The following COL6A2 variants were observed in gnomAD, a reference collection of about 807,000 sequenced individuals.
The protein encoded by COL6A2 is collagen type VI alpha 2 chain.
Under a neutral mutation model 124.9 loss-of-function variants are expected in COL6A2, and 90 were observed. The ratio of observed to expected loss-of-function variants is 0.72; its 90% CI spans 0.61 to 0.86. The LOEUF is 0.86. COL6A2 is among the 40% of genes least tolerant of loss of function. The pLI, the probability that COL6A2 is intolerant of heterozygous loss-of-function variation, is 0.00. For synonymous variants in COL6A2, 793 were observed against 618.2 expected, an observed-to-expected ratio of 1.28 and a Z score of -4.19; for missense variants, 1,607 against 1,502.5, an observed-to-expected ratio of 1.07 and a Z score of -1.15.
chr21:46,116,716 G>A lies in COL6A2; in HGVS notation c.954+39G>A, dbSNP rs746898046. 2 of 1,612,904 alleles carry A rather than the reference G, an allele frequency of 1.2e-6. No individual in the cohort carries two copies. Among genetic ancestry groups the A allele is most frequent in the African/African-American group, 2.7e-5 (2 of 74,922 alleles). On this transcript the variant is annotated intron_variant, in intron 9 of 27. Coordinates refer to ENST00000300527, the MANE Select transcript of COL6A2 (RefSeq NM_001849.4). The surrounding 1 kb of genome is among the most constrained non-coding windows in gnomAD (Gnocchi z 4.6). ...GTAGGCAGAGCCCCTCCTTCCTGCT[G>A]CTCAGGGCAGAAGGACCGGGGCTAA...
Position 46,116,577 on chromosome 21 carries a change from TG to T in COL6A2, c.928-73del. 1 of 1,607,234 alleles carries T rather than the reference TG, an allele frequency of 6.2e-7. No homozygotes were observed. The highest frequency in any genetic ancestry group is 8.5e-7 in the Non-Finnish European group (1 of 1,175,534). On this transcript the variant is annotated intron_variant, in intron 8 of 27. Transcript: ENST00000300527. This position sits in a 1 kb window ranked among gnomAD's most constrained non-coding sequence, Gnocchi z 4.6. ...GGCCTTGAGTTTGGCCCAAGGGCTT[TG>T]CCCCCCAGAGGCAGCAGTGCCCATG...
At chr21:46,123,022 A>C (rs1051619894) in intron 21 of COL6A2, 85 bp downstream of exon 21, 14 of 1,317,972 alleles carry the variant, frequency 1.1e-5, no homozygotes, top group Admixed American at 5.1e-5. Context: ...CTATGAGTAC[A>C]GGAGAACGCC....
intron 1 of COL6A2, among the ~76,000 whole-genome samples, chr21:46,101,276 T>C (rs953005124): frequency 4.6e-5 from 7 of 152,198 alleles, no homozygotes; most frequent in African/African-American, 1.4e-4. Context: ...TGTTGTTGAA[T>C]TTTAGGAGTT....
rs757226773 is a variant in COL6A2, at chr21:46,116,720, A to G, written c.954+43A>G. Reference sequence around the variant, plus strand: ...GCAGAGCCCCTCCTTCCTGCTGCTCAGGGCAGAAGGACCGGGGCTAATGGA... The same window carrying G: ...GCAGAGCCCCTCCTTCCTGCTGCTCGGGGCAGAAGGACCGGGGCTAATGGA... On this transcript the variant is annotated intron_variant, in intron 9 of 27. Coordinates refer to ENST00000300527, the MANE Select transcript of COL6A2 (RefSeq NM_001849.4). This position sits in a 1 kb window ranked among gnomAD's most constrained non-coding sequence, Gnocchi z 4.6. The G allele has an allele frequency of 6.2e-7, 1 of 1,612,952 alleles. No individual in the cohort carries two copies. The highest frequency in any genetic ancestry group is 8.5e-7 in the Non-Finnish European group (1 of 1,179,922).
rs532522222 is a variant in COL6A2 at position 46,132,333 on chromosome 21, C to T, written c.2841C>T (p.Leu947=). 47 of 1,607,828 alleles carry T rather than the reference C, an allele frequency of 2.9e-5. No homozygotes were observed. In the South Asian group the frequency reaches 4.0e-4, roughly 14 times the overall value. Residue 947 remains leucine (L), a synonymous_variant, in exon 28 of 28, where the codon CTC becomes CTT. Coordinates refer to ENST00000300527, the MANE Select transcript of COL6A2 (RefSeq NM_001849.4). ...RRHAELSFVF[L]TDGVTGNDSL... ...ACGCAGAGCTGTCCTTCGTGTTCCT[C>T]ACGGACGGCGTCACGGGCAACGACA...
At chr21:46,129,373 G>T (rs138263499) in intron 27 of COL6A2, 2 of 1,612,990 alleles carry the variant, frequency 1.2e-6, no homozygotes, top group Non-Finnish European at 1.7e-6. Flanking sequence ...ACCGCCGAGC[G>T]GGCCAAGTTC....
At position 46,117,837 on chromosome 21, in the gene COL6A2, G is replaced by T. The variant is rs780892264; in HGVS notation, c.1054-37G>T. On this transcript the variant is annotated intron_variant, in intron 11 of 27. Transcript: ENST00000300527. ...CTGGCTCATGGGGAGAACCCCACCC[G>T]CCGTGTGCCGAGCTCCACCTCTCAC... 3 of 1,590,886 alleles carry T rather than the reference G, an allele frequency of 1.9e-6. No homozygotes were observed. The Admixed American group carries it at 5.3e-5, about 28-fold the overall frequency.
At chr21:46,123,290 C>A (rs73908535) in intron 21 of COL6A2, among the ~76,000 whole-genome samples, 9,750 of 139,860 alleles carry the variant, frequency 0.07, 1,286 homozygotes, top group African/African-American at 0.26. Context: ...AACATAGCAT[C>A]CCCTCCAGAG....
chr21:46,122,990 C>T (rs1367209583), intron 21 of COL6A2, 53 bp downstream of exon 21: 6 of 1,551,594 alleles, frequency 3.9e-6, no homozygotes, highest in Admixed American at 3.3e-5. Context: ...CAGGGAGGGG[C>T]CCTGAGGCTG....
In COL6A2 at chr21:46,105,772, AAATT is replaced by A. The variant is rs1215509412; in HGVS notation, c.-27-5671_-27-5668del. 5.3e-5 allele frequency among the ~76,000 whole-genome samples: 8 copies of A among 152,350 alleles called. No homozygotes were observed. The South Asian group carries it at 8.3e-4, about 16-fold the overall frequency. On this transcript the variant is annotated intron_variant, in intron 1 of 27. Transcript: ENST00000300527. The stretch of plus-strand genomic sequence containing the variant: ...GGATTTAAATGTTTCACCATCAAAA[AAATT>A]AATTAAACACAAGACAGTGATACTG...
At chr21:46,130,484 A>C (rs2078746525) in intron 27 of COL6A2, among the ~76,000 whole-genome samples, 1 of 151,942 alleles carries the variant, frequency 6.6e-6, no homozygotes, top group South Asian at 2.1e-4. Context: ...TCGTCCCCAC[A>C]CCCACTGCAC....
chr21:46,115,759 C>T, intron 5 of COL6A2, 113 bp from the exon 6 acceptor site: 1 of 937,408 alleles, frequency 1.1e-6, no homozygotes, highest in Non-Finnish European at 1.7e-6. Flanking sequence ...TCCACTTGGG[C>T]AGGGGAATCA....
At position 46,122,856 on chromosome 21, in the gene COL6A2, C is replaced by T. The variant is rs773825628; in HGVS notation, c.1609-19C>T. The T allele has an allele frequency of 3.7e-6, 6 of 1,611,560 alleles. No individual in the cohort carries two copies. The highest frequency in any genetic ancestry group is 2.5e-6 in the Non-Finnish European group (3 of 1,178,398). ...AGACAGCTCCTCTGTCCCAGGCTAA[C>T]ATGTGTTCCCTGTCACAGGGAGGCC... On this transcript the variant is annotated intron_variant, in intron 20 of 27. Transcript: ENST00000300527.
At chr21:46,122,056 C>CA in intron 18 of COL6A2, 52 bp from the exon 19 acceptor site, 1 of 1,594,834 alleles carries the variant, frequency 6.3e-7, no homozygotes. Context: ...CACAGCCCCC[C>CA]AGCCCCACCC....
At chr21:46,109,569 G>T (rs2078372673) in intron 1 of COL6A2, among the ~76,000 whole-genome samples, 1 of 152,108 alleles carries the variant, frequency 6.6e-6, no homozygotes. Context: ...GTACCAAGGG[G>T]CACCGGTGCC....
intron 15 of COL6A2, among the ~76,000 whole-genome samples, chr21:46,120,222 C>T (rs886961917): frequency 9.4e-5 from 12 of 127,264 alleles, no homozygotes; most frequent in Admixed American, 2.9e-4. Flanking sequence ...AAACCCCGGC[C>T]ACCAGCTCCC....
chr21:46,132,075 G>A lies in COL6A2; in HGVS notation c.2583G>A (p.Arg861=), dbSNP rs1213325285. The change falls in exon 28 of 28, where the codon CGG becomes CGA. Residue 861 remains arginine, a synonymous_variant. Transcript: ENST00000300527. ...GGCGCTTCGTGGAGCAGGTGGCGCG[G>A]CGGCTGACGCTGGCCCGGAGGGACG... ...KARRFVEQVA[R]RLTLARRDDD... 1 of 1,603,156 alleles carries A rather than the reference G, an allele frequency of 6.2e-7. No individual in the cohort carries two copies. The highest frequency in any genetic ancestry group is 1.7e-5 in the Admixed American group (1 of 59,382).
rs564007757 is a variant in COL6A2, at chr21:46,130,847, G to A, written c.2462-1107G>A. On this transcript the variant is annotated intron_variant, in intron 27 of 27. Coordinates refer to ENST00000300527, the MANE Select transcript of COL6A2 (RefSeq NM_001849.4). Reference sequence around the variant, plus strand: ...CCCTTCCTTTCACTGAATGAGCTGCGTCACTCATAAGCTCACTGAGGGAAC... The same window carrying A: ...CCCTTCCTTTCACTGAATGAGCTGCATCACTCATAAGCTCACTGAGGGAAC... Among the ~76,000 whole-genome samples, 24 of 152,296 alleles carry A rather than the reference G, an allele frequency of 1.6e-4. No homozygotes were observed. In the South Asian group the frequency reaches 3.5e-3, roughly 22 times the overall value.
intron 27 of COL6A2, chr21:46,128,952 G>A (rs774489585): frequency 1.9e-6 from 3 of 1,610,898 alleles, no homozygotes; most frequent in Admixed American, 1.7e-5. Context: ...GGTCCGTGGT[G>A]TCCCCCAAAG....
Sources: allele counts gnomAD v4.1 joint callset (sites outside exome capture counted in the v4.1 genomes callset), GRCh38; gene constraint gnomAD v4.1.1; non-coding constraint Gnocchi (gnomAD v3.1); transcripts MANE v1.5; gene names NCBI Gene and HGNC (gene_info 2026-07-23, HGNC 2026-07-21).